Variants in PHACTR1 observed in about 807,000 individuals in gnomAD.
PHACTR1 encodes the protein phosphatase and actin regulator 1.
Under a neutral mutation model 69.2 loss-of-function variants are expected in PHACTR1, and 16 were observed. The observed-to-expected ratio is 0.23, with a 90% confidence interval of 0.16 to 0.35. The LOEUF (loss-of-function observed/expected upper bound fraction) is 0.35. PHACTR1 is among the 10% of genes least tolerant of loss of function. PHACTR1 has a pLI of 1.00. For missense variants in PHACTR1, 510 were observed against 734.7 expected, an observed-to-expected ratio of 0.69 and a Z score of 3.54; for synonymous variants, 312 against 284.5, an observed-to-expected ratio of 1.10 and a Z score of -0.97.
At chr6:12,982,199 A>G (rs750277731) in intron 4 of PHACTR1, among the ~76,000 whole-genome samples, 5 of 152,256 alleles carry the variant, frequency 3.3e-5, no homozygotes, top group Admixed American at 1.3e-4. Context: ...ACTTCCCCCA[A>G]GTTAGCTGGC....
At chr6:12,791,664 T>C (rs1772291846) in intron 4 of PHACTR1, among the ~76,000 whole-genome samples, 1 of 152,200 alleles carries the variant, frequency 6.6e-6, no homozygotes, top group South Asian at 2.1e-4. Flanking sequence ...GATATAGTAA[T>C]GCACCAACTT....
At chr6:12,954,509 A>G (rs1196834461) in intron 4 of PHACTR1, among the ~76,000 whole-genome samples, 1 of 151,972 alleles carries the variant, frequency 6.6e-6, no homozygotes, top group Non-Finnish European at 1.5e-5. Flanking sequence ...GGTAGACTTG[A>G]TAAGATTGAG....
chr6:12,945,174 T>G (rs1022267866), intron 4 of PHACTR1, among the ~76,000 whole-genome samples: 1 of 152,146 alleles, frequency 6.6e-6, no homozygotes, highest in Admixed American at 6.6e-5. Flanking sequence ...GCCTCCTTTA[T>G]TCCCATCTGA....
intron 4 of PHACTR1, among the ~76,000 whole-genome samples, chr6:12,975,130 T>C (rs1794712643): frequency 6.6e-6 from 1 of 152,082 alleles, no homozygotes; most frequent in African/African-American, 2.4e-5. Flanking sequence ...GTGAGAGGTG[T>C]GGGGAAGTAT....
chr6:12,749,360 TG>T, intron 3 of PHACTR1: 7 of 507,716 alleles, frequency 1.4e-5, no homozygotes, highest in Non-Finnish European at 7.7e-6. Context: ...GAGAGGAGTC[TG>T]GGGGAGCCCC....
intron 4 of PHACTR1, among the ~76,000 whole-genome samples, chr6:13,039,776 A>T (rs1803879266): frequency 6.6e-6 from 1 of 152,212 alleles, no homozygotes; most frequent in Admixed American, 6.5e-5. Flanking sequence ...CACTCTGGAA[A>T]CTGTAGCTAC....
At chr6:13,006,077 C>T (rs1798750013) in intron 4 of PHACTR1, among the ~76,000 whole-genome samples, 1 of 152,198 alleles carries the variant, frequency 6.6e-6, no homozygotes, top group African/African-American at 2.4e-5. Context: ...AATGTAGATA[C>T]AATCCCAGCC....
intron 10 of PHACTR1, among the ~76,000 whole-genome samples, chr6:13,270,041 G>A (rs1180114156): frequency 4.6e-5 from 7 of 152,160 alleles, no homozygotes; most frequent in Non-Finnish European, 1.0e-4. Flanking sequence ...CAGTCCCACA[G>A]AACTGCCCCC....
chr6:13,119,703 C>G (rs1381078136), intron 5 of PHACTR1, among the ~76,000 whole-genome samples: 4 of 152,222 alleles, frequency 2.6e-5, no homozygotes. Context: ...CTGAGAGAGG[C>G]TGAGCGGATA....
chr6:12,985,541 A>AAATATATAT (rs1179784179), intron 4 of PHACTR1, among the ~76,000 whole-genome samples: 10 of 132,768 alleles, frequency 7.5e-5, no homozygotes, highest in African/African-American at 2.9e-4. Flanking sequence ...AAAAAAAAAA[A>AAATATATAT]ATATATATAT....
At chr6:12,763,072 A>G (rs1216443903) in intron 4 of PHACTR1, among the ~76,000 whole-genome samples, 4 of 152,010 alleles carry the variant, frequency 2.6e-5, no homozygotes, top group African/African-American at 7.2e-5. Flanking sequence ...AATTAGCTGG[A>G]CGTGGTGGCG....
intron 4 of PHACTR1, among the ~76,000 whole-genome samples, chr6:12,917,847 G>C (rs867162082): frequency 1.3e-5 from 2 of 152,084 alleles, no homozygotes; most frequent in Non-Finnish European, 2.9e-5. Flanking sequence ...GACTCTCACT[G>C]AGTTGTACTC....
intron 8 of PHACTR1, among the ~76,000 whole-genome samples, chr6:13,206,511 A>G (rs1488999234): frequency 6.6e-6 from 1 of 152,246 alleles, no homozygotes; most frequent in Non-Finnish European, 1.5e-5. Context: ...TTAAGTTCCT[A>G]TAGCATATTT....
intron 4 of PHACTR1, among the ~76,000 whole-genome samples, chr6:12,943,285 C>T (rs1790244455): frequency 6.6e-6 from 1 of 152,210 alleles, no homozygotes; most frequent in Non-Finnish European, 1.5e-5. Flanking sequence ...ATTCCATTTA[C>T]ATGAAATGTC....
chr6:13,050,095 T>G (rs1287867558), intron 4 of PHACTR1, among the ~76,000 whole-genome samples: 1 of 152,226 alleles, frequency 6.6e-6, no homozygotes, highest in Non-Finnish European at 1.5e-5. Flanking sequence ...CTCTTTGCTG[T>G]GGTTTCCCAC....
At chr6:12,947,047 G>C (rs931764915) in intron 4 of PHACTR1, among the ~76,000 whole-genome samples, 4 of 151,654 alleles carry the variant, frequency 2.6e-5, no homozygotes, top group Non-Finnish European at 5.9e-5. Flanking sequence ...TCCTGATGTC[G>C]TGATCCACCC....
intron 4 of PHACTR1, among the ~76,000 whole-genome samples, chr6:13,012,028 G>A (rs1342266766): frequency 6.6e-6 from 1 of 152,178 alleles, no homozygotes; most frequent in Non-Finnish European, 1.5e-5. Flanking sequence ...GCAAAAGGGG[G>A]GTGGTTGCTG....
At chr6:12,734,725 A>T (rs1349447093) in intron 3 of PHACTR1, among the ~76,000 whole-genome samples, 2 of 152,216 alleles carry the variant, frequency 1.3e-5, no homozygotes, top group Non-Finnish European at 2.9e-5. Context: ...AGGAATAAAA[A>T]CATTTCAGCC....
At chr6:13,060,246 G>A (rs558284309) in intron 5 of PHACTR1, among the ~76,000 whole-genome samples, 1 of 152,328 alleles carries the variant, frequency 6.6e-6, no homozygotes, top group African/African-American at 2.4e-5. Context: ...GAGCTGCCTG[G>A]ATGGATTGTT....
Sources: allele counts gnomAD v4.1 joint callset (sites outside exome capture counted in the v4.1 genomes callset), GRCh38; gene constraint gnomAD v4.1.1; transcripts MANE v1.5; gene names NCBI Gene and HGNC (gene_info 2026-07-23, HGNC 2026-07-21).